PRKCB: variants seen among roughly 807,000 people sequenced by gnomAD.
PRKCB encodes the protein protein kinase C beta.
In PRKCB, 13 loss-of-function variants were observed where a neutral mutation model predicts 81.5. That is an observed-to-expected ratio of 0.16 (90% CI 0.10 to 0.25). The LOEUF (loss-of-function observed/expected upper bound fraction) is 0.25, where lower values mean the gene tolerates loss of function less well. Among genes scored for constraint, PRKCB ranks in the 10% least tolerant of loss-of-function variants. PRKCB has a pLI of 1.00. For synonymous variants in PRKCB, 335 were observed against 321.4 expected (o/e 1.04, Z -0.45); for missense variants, 509 against 875.7 (o/e 0.58, Z 5.29).
At chr16:24,093,114 T>A (rs1596544233) in intron 6 of PRKCB, among the ~76,000 whole-genome samples, 167 bp downstream of exon 6, 1 of 152,174 alleles carries the variant, frequency 6.6e-6, no homozygotes, top group African/African-American at 2.4e-5. Context: ...TTCTTTTCCA[T>A]CTGCAATTTT....
chr16:23,891,502 AT>A (rs1963294008), intron 2 of PRKCB, among the ~76,000 whole-genome samples: 2 of 152,046 alleles, frequency 1.3e-5, no homozygotes, highest in African/African-American at 4.8e-5. Flanking sequence ...TTTGAAAATA[AT>A]AAAATACATA....
At chr16:24,088,866 C>T (rs1282326100) in intron 5 of PRKCB, among the ~76,000 whole-genome samples, 2 of 152,248 alleles carry the variant, frequency 1.3e-5, no homozygotes, top group East Asian at 3.9e-4. Flanking sequence ...AGTGACTACC[C>T]TTGTGGTGTC....
intron 13 of PRKCB, among the ~76,000 whole-genome samples, chr16:24,182,064 C>A (rs949271940): frequency 2.6e-5 from 4 of 152,112 alleles, no homozygotes; most frequent in Non-Finnish European, 4.4e-5. Context: ...TACTCGGACC[C>A]AGTGAAGTTT....
At chr16:23,996,362 G>A (rs1370795911) in intron 3 of PRKCB, among the ~76,000 whole-genome samples, 1 of 152,210 alleles carries the variant, frequency 6.6e-6, no homozygotes, top group Non-Finnish European at 1.5e-5. Context: ...TGGAGGTTAT[G>A]CATGGGCTCA....
chr16:23,972,096 T>C (rs907047640), intron 2 of PRKCB, among the ~76,000 whole-genome samples: 1 of 152,338 alleles, frequency 6.6e-6, no homozygotes, highest in Middle Eastern at 3.4e-3. Context: ...TGGAATATTA[T>C]TCAGCAGTAA....
intron 5 of PRKCB, among the ~76,000 whole-genome samples, chr16:24,088,503 G>T (rs1182422169): frequency 6.6e-6 from 1 of 152,074 alleles, no homozygotes; most frequent in Non-Finnish European, 1.5e-5. Context: ...GAAGCGGGAG[G>T]ATCACTCGTG....
chr16:23,936,579 ATTTTTTTTTTTTTT>A (rs57643578), intron 2 of PRKCB, among the ~76,000 whole-genome samples: 1 of 96,040 alleles, frequency 1.0e-5, no homozygotes, highest in Non-Finnish European at 1.9e-5. Context: ...CACCCAACTA[ATTTTTTTTTTTTTT>A]TTTTTTTTTT....
chr16:23,871,185 T>C (rs897029936), intron 2 of PRKCB, among the ~76,000 whole-genome samples: 1 of 152,170 alleles, frequency 6.6e-6, no homozygotes, highest in Admixed American at 6.5e-5. Flanking sequence ...GTATCTCTTA[T>C]GGAGAGAGTC....
chr16:23,892,773 AG>A (rs995825242), intron 2 of PRKCB, among the ~76,000 whole-genome samples: 2 of 152,160 alleles, frequency 1.3e-5, no homozygotes, highest in Admixed American at 1.3e-4. Flanking sequence ...TTGCAGAGGA[AG>A]AAACTTTGGT....
At chr16:24,150,872 T>C (rs1967069976) in intron 9 of PRKCB, among the ~76,000 whole-genome samples, 2 of 152,236 alleles carry the variant, frequency 1.3e-5, no homozygotes, top group African/African-American at 2.4e-5. Context: ...TTGCTATGCC[T>C]TATGCATGCC....
intron 10 of PRKCB, among the ~76,000 whole-genome samples, chr16:24,163,425 C>G (rs1199928413): frequency 6.6e-6 from 1 of 152,158 alleles, no homozygotes; most frequent in Non-Finnish European, 1.5e-5. Context: ...GCAACCCAGG[C>G]AAATAGAGCT....
At chr16:23,973,685 T>G (rs1412148232) in intron 2 of PRKCB, among the ~76,000 whole-genome samples, 1 of 152,042 alleles carries the variant, frequency 6.6e-6, no homozygotes, top group Non-Finnish European at 1.5e-5. Flanking sequence ...ATAATATATT[T>G]TTTTTCTTTT....
At chr16:24,175,824 T>C (rs368082411) in intron 12 of PRKCB, among the ~76,000 whole-genome samples, 1 of 151,628 alleles carries the variant, frequency 6.6e-6, no homozygotes, top group East Asian at 1.9e-4. Context: ...AAAATAAAAT[T>C]AGCCAGGTGT....
At chr16:23,876,030 G>A (rs1253430414) in intron 2 of PRKCB, among the ~76,000 whole-genome samples, 2 of 152,134 alleles carry the variant, frequency 1.3e-5, no homozygotes, top group Non-Finnish European at 2.9e-5. Context: ...GGGCCCCATA[G>A]GCGTTTATGT....
At chr16:24,049,630 C>T (rs1965816461) in intron 5 of PRKCB, among the ~76,000 whole-genome samples, 1 of 152,106 alleles carries the variant, frequency 6.6e-6, no homozygotes, top group Non-Finnish European at 1.5e-5. Flanking sequence ...TGGTCTGCCT[C>T]CTTGAGTGGC....
At chr16:24,156,704 T>C (rs1967165571) in intron 10 of PRKCB, among the ~76,000 whole-genome samples, 1 of 152,226 alleles carries the variant, frequency 6.6e-6, no homozygotes, top group African/African-American at 2.4e-5. Flanking sequence ...ACACCTAACC[T>C]TACTAGTCCA....
chr16:24,216,232 T>C lies in PRKCB; in HGVS notation c.*1416T>C. The C allele has an allele frequency of 1.0e-6, 1 of 985,456 alleles. No individual in the cohort carries two copies. The highest frequency in any genetic ancestry group is 1.1e-4 in the East Asian group (1 of 8,806). 61.0% of individuals were successfully genotyped at this position (985,456 alleles called of 1,614,324 possible). On this transcript the variant is annotated 3_prime_UTR_variant, in exon 17 of 17. Coordinates refer to ENST00000643927, the MANE Select transcript of PRKCB (RefSeq NM_002738.7). ...ACCTGGCCAGAGCCAACGAGGATAC[T>C]GGAGCCCAAAGTCAAGTTTAGAGAC...
intron 10 of PRKCB, among the ~76,000 whole-genome samples, chr16:24,157,928 T>C (rs1333721388): frequency 6.6e-6 from 1 of 152,066 alleles, no homozygotes; most frequent in African/African-American, 2.4e-5. Flanking sequence ...GTATGTCTAA[T>C]GGACTAATGA....
intron 2 of PRKCB, among the ~76,000 whole-genome samples, chr16:23,924,678 G>A (rs769701120): frequency 3.2e-4 from 49 of 151,900 alleles, no homozygotes; most frequent in Non-Finnish European, 6.2e-4. Context: ...AAGGCTCCAC[G>A]TATACCATGG....
Sources: gnomAD v4.1 joint callset for allele counts (sites outside exome capture counted in the v4.1 genomes callset) on GRCh38, gnomAD v4.1.1 for gene constraint, MANE v1.5 for transcripts, NCBI Gene and HGNC (gene_info 2026-07-23, HGNC 2026-07-21) for gene names.